Variants in USP24 observed in about 807,000 individuals in gnomAD.
The protein encoded by USP24 is ubiquitin carboxyl-terminal hydrolase 24.
Under a neutral mutation model 361.6 loss-of-function variants are expected in USP24, and 97 were observed. That is an observed-to-expected ratio of 0.27 (90% CI 0.23 to 0.32). The LOEUF (loss-of-function observed/expected upper bound fraction) is 0.32, where lower values mean the gene tolerates loss of function less well. Ranked by LOEUF, USP24 falls within the 10% of genes least tolerant of loss-of-function variation. USP24 has a pLI of 1.00. For missense variants in USP24, 2,353 were observed against 3,165.6 expected (o/e 0.74, Z 6.16); for synonymous variants, 1,098 against 1,124.6 (o/e 0.98, Z 0.47).
chr1:55,123,539 C>T lies in USP24; in HGVS notation c.4184G>A (p.Arg1395Gln), dbSNP rs544958508. 8.1e-6 allele frequency: 13 copies of T among 1,601,956 alleles called. No homozygotes were observed. Among genetic ancestry groups the T allele is most frequent in the South Asian group, 7.9e-5 (7 of 88,310 alleles). Reference protein sequence around the residue: ...PVALHAGICVRQQSVSTKDSL... With the variant: ...PVALHAGICVQQQSVSTKDSL... ...GTCTTTGGTGGATACAGACTGTTGT[C>T]GAACACAGATTCCCGCATGCAGGGC... Residue 1395 changes from arginine (R) to glutamine (Q), a missense_variant, in exon 36 of 68, where the codon CGA becomes CAA. Physicochemically the swap from Arg to Gln is conservative, Grantham distance 43. Transcript: ENST00000294383.
intron 5 of USP24, among the ~76,000 whole-genome samples, chr1:55,169,256 G>C (rs1313038680): frequency 6.6e-6 from 1 of 151,966 alleles, no homozygotes; most frequent in Non-Finnish European, 1.5e-5. Flanking sequence ...TATAGATCTG[G>C]AAAAAAGTTA....
chr1:55,072,079 T>C (rs559614290), intron 66 of USP24, among the ~76,000 whole-genome samples, 155 bp from the exon 67 acceptor site: 1 of 152,218 alleles, frequency 6.6e-6, no homozygotes, highest in South Asian at 2.1e-4. Flanking sequence ...TCAACCCCTG[T>C]CCCTTTTTGT....
intron 67 of USP24, 73 bp downstream of exon 67, chr1:55,071,741 C>G (rs1644923136): frequency 1.4e-6 from 2 of 1,421,552 alleles, no homozygotes; most frequent in Non-Finnish European, 1.9e-6. Context: ...TTTCCCTCAG[C>G]TGTGGAAATT....
intron 30 of USP24, 131 bp from the exon 31 acceptor site, chr1:55,132,831 T>A: frequency 1.1e-6 from 1 of 910,864 alleles, no homozygotes; most frequent in Non-Finnish European, 1.6e-6. Context: ...TTCTAAAAAT[T>A]AACTTCATAA....
At chr1:55,100,770 T>A in intron 44 of USP24, 69 bp downstream of exon 44, 2 of 1,443,642 alleles carry the variant, frequency 1.4e-6, no homozygotes, top group Non-Finnish European at 1.8e-6. Flanking sequence ...AAAAAACCAT[T>A]ACCATTAGAG....
chr1:55,159,461 C>T lies in USP24; in HGVS notation c.1068+150G>A, dbSNP rs1442522637. 4.5e-6 allele frequency: 3 copies of T among 662,200 alleles called. No individual in the cohort carries two copies. In the African/African-American group the frequency reaches 5.4e-5, roughly 12 times the overall value. The allele number at this position is 662,200 out of a possible 1,614,324, so 41.0% of individuals were successfully genotyped here. A position where few individuals can be genotyped will look rare whatever the true frequency, so the allele number is the denominator to read the frequency against. Reference sequence around the variant, plus strand: ...ACCACCAATGGTGCTTCAGAAACAGCACTTTTTAATTAGGAAATGTAAAGT... The same window carrying T: ...ACCACCAATGGTGCTTCAGAAACAGTACTTTTTAATTAGGAAATGTAAAGT... On this transcript the variant is annotated intron_variant, in intron 9 of 67. Coordinates refer to ENST00000294383, the MANE Select transcript of USP24 (RefSeq NM_015306.3).
At position 55,101,537 on chromosome 1, in the gene USP24, C is replaced by T. The variant is rs772937314; in HGVS notation, c.5145+47G>A. On this transcript the variant is annotated intron_variant, in intron 43 of 67. Coordinates refer to ENST00000294383, the MANE Select transcript of USP24 (RefSeq NM_015306.3). ...AAACTATGAAACAATTTTCAAGTAA[C>T]GCACGTATTATCTATCGTACCAAAA... 19 of 1,559,828 alleles carry T rather than the reference C, an allele frequency of 1.2e-5. No homozygotes were observed. The Middle Eastern group carries it at 6.6e-4, about 55-fold the overall frequency.
chr1:55,105,251 A>G (rs1645739475), intron 41 of USP24, among the ~76,000 whole-genome samples: 1 of 152,220 alleles, frequency 6.6e-6, no homozygotes, highest in Non-Finnish European at 1.5e-5. Flanking sequence ...CTTCCAAAAC[A>G]GGGCTGGGGT....
intron 1 of USP24, among the ~76,000 whole-genome samples, chr1:55,202,703 C>T (rs1319465261): frequency 6.6e-6 from 1 of 152,180 alleles, no homozygotes. Context: ...CCACATCCGG[C>T]CTGTATACTG....
chr1:55,199,756 C>T (rs1018408649), intron 1 of USP24, among the ~76,000 whole-genome samples: 1 of 151,742 alleles, frequency 6.6e-6, no homozygotes, highest in African/African-American at 2.4e-5. Flanking sequence ...ATAAATTGTT[C>T]AACATAAAAA....
chr1:55,177,183 A>C (rs1650076753), intron 2 of USP24, among the ~76,000 whole-genome samples: 1 of 152,228 alleles, frequency 6.6e-6, no homozygotes, highest in Non-Finnish European at 1.5e-5. Context: ...TTCTTCCCTA[A>C]AACAAACCAA....
intron 67 of USP24, among the ~76,000 whole-genome samples, chr1:55,069,893 A>C (rs1644885278): frequency 6.6e-6 from 1 of 150,598 alleles, no homozygotes; most frequent in Non-Finnish European, 1.5e-5. Context: ...AAAAAAAAAA[A>C]AAAAAAATCA....
chr1:55,177,629 G>A (rs186970504), intron 2 of USP24, among the ~76,000 whole-genome samples: 1 of 151,758 alleles, frequency 6.6e-6, no homozygotes, highest in East Asian at 1.9e-4. Flanking sequence ...TACTTAATAA[G>A]CACAAGTTTG....
intron 8 of USP24, among the ~76,000 whole-genome samples, chr1:55,161,014 T>A (rs892388133): frequency 1.3e-5 from 2 of 152,124 alleles, no homozygotes; most frequent in African/African-American, 2.4e-5. Flanking sequence ...TAAACAGCCA[T>A]CCTATTTCAC....
At chr1:55,071,776 GCTGCC>G (rs1557520310) in intron 67 of USP24, 33 bp downstream of exon 67, 1 of 1,563,156 alleles carries the variant, frequency 6.4e-7, no homozygotes, top group South Asian at 1.2e-5. Context: ...TAAGAGCAAG[GCTGCC>G]CTTTGCACAC....
chr1:55,129,305 T>C (rs959741117), intron 32 of USP24, among the ~76,000 whole-genome samples, 172 bp downstream of exon 32: 1 of 152,238 alleles, frequency 6.6e-6, no homozygotes, highest in African/African-American at 2.4e-5. Context: ...TCAGAAGTTA[T>C]AAAATGATTT....
intron 40 of USP24, among the ~76,000 whole-genome samples, chr1:55,106,880 G>A (rs986272681): frequency 6.6e-6 from 1 of 152,044 alleles, no homozygotes; most frequent in Non-Finnish European, 1.5e-5. Flanking sequence ...GGTGGTTAGG[G>A]GCTGCCTCTT....
chr1:55,077,588 A>G (rs1422070097), intron 61 of USP24, among the ~76,000 whole-genome samples: 1 of 152,334 alleles, frequency 6.6e-6, no homozygotes, highest in Non-Finnish European at 1.5e-5. Context: ...CCGATTTTAT[A>G]TATGTCCATA....
intron 36 of USP24, among the ~76,000 whole-genome samples, chr1:55,123,094 A>G (rs1303654138): frequency 6.6e-6 from 1 of 152,214 alleles, no homozygotes; most frequent in Non-Finnish European, 1.5e-5. Context: ...CTTAAGTTAC[A>G]CAATTTTTAA....
Sources: gnomAD v4.1 joint callset for allele counts (sites outside exome capture counted in the v4.1 genomes callset) on GRCh38, gnomAD v4.1.1 for gene constraint, MANE v1.5 for transcripts, NCBI Gene and HGNC (gene_info 2026-07-23, HGNC 2026-07-21) for gene names.